ADRA1A: variants seen among roughly 807,000 people sequenced by gnomAD.
ADRA1A encodes the protein adrenoceptor alpha 1A.
In ADRA1A, 31 loss-of-function variants were observed where a neutral mutation model predicts 29.6. The ratio of observed to expected loss-of-function variants is 1.05; its 90% CI spans 0.79 to 1.41. ADRA1A has a LOEUF of 1.41. Ranked by LOEUF, ADRA1A falls within the 40% of genes most tolerant of loss-of-function variation. The probability of loss-of-function intolerance (pLI) is 0.00; values close to 1 mark genes in which losing one functional copy is unlikely to be tolerated. For synonymous variants in ADRA1A, 311 were observed against 254.3 expected, an observed-to-expected ratio of 1.22 and a Z score of -2.12; for missense variants, 619 against 601.1, an observed-to-expected ratio of 1.03 and a Z score of -0.31.
At chr8:26,778,189 C>T (rs545968576) in intron 2 of ADRA1A, among the ~76,000 whole-genome samples, 1 of 152,264 alleles carries the variant, frequency 6.6e-6, no homozygotes, top group East Asian at 1.9e-4. Context: ...AGCAGGTCCA[C>T]CCAAATGCAT....
rs538651893 is a variant in ADRA1A at position 26,832,156 on chromosome 8, A to G, written c.883+31931T>C. On this transcript the variant is annotated intron_variant, in intron 2 of 2. Transcript: ENST00000380573. ...GTTGGGAACGAAGTCTTTGGAGTGG[A>G]TTAGCCCTTTGATCTTCAGGTGGGA... 2.6e-5 allele frequency among the ~76,000 whole-genome samples: 4 copies of G among 152,346 alleles called. No homozygotes were observed. In the South Asian group the frequency reaches 8.3e-4, roughly 32 times the overall value.
chr8:26,862,511 A>G (rs1813551963), intron 2 of ADRA1A, among the ~76,000 whole-genome samples: 1 of 152,252 alleles, frequency 6.6e-6, no homozygotes, highest in African/African-American at 2.4e-5. Flanking sequence ...CAAAGTGCCT[A>G]GAACAGATGG....
At chr8:26,750,695 G>A (rs1804884803) in intron 2 of ADRA1A, among the ~76,000 whole-genome samples, 1 of 152,212 alleles carries the variant, frequency 6.6e-6, no homozygotes, top group Admixed American at 6.5e-5. Flanking sequence ...AGCAAGTTGG[G>A]TATAGGAAAC....
Position 26,780,264 on chromosome 8 carries a change from A to G in ADRA1A, c.884-9598T>C, listed in dbSNP as rs78860884. Among the ~76,000 whole-genome samples the G allele has an allele frequency of 1.7e-3, 252 of 152,216 alleles. 5 individuals are homozygous for G. The East Asian group carries it at 0.044, about 27-fold the overall frequency. ...TGGTCAGGAACATGCAAAGGTGTTT[A>G]CCTTCTATGAGTGTCTCCAACAAAT... is the stretch of plus-strand genomic sequence containing the variant. On this transcript the variant is annotated intron_variant, in intron 2 of 2. Coordinates refer to ENST00000380573, the MANE Select transcript of ADRA1A (RefSeq NM_000680.4).
intron 2 of ADRA1A, among the ~76,000 whole-genome samples, chr8:26,785,457 G>T (rs1045799650): frequency 6.6e-6 from 1 of 152,098 alleles, no homozygotes; most frequent in Non-Finnish European, 1.5e-5. Flanking sequence ...ACTTGCTCAG[G>T]GTTACACAGC....
At chr8:26,754,220 CAT>C (rs2130161191), downstream of ADRA1A, among the ~76,000 whole-genome samples, 1 of 152,238 alleles carries the variant, frequency 6.6e-6, no homozygotes, top group Non-Finnish European at 1.5e-5. Flanking sequence ...GCCTGGGTGT[CAT>C]ATATATTCAT....
chr8:26,853,939 T>C (rs985293738), intron 2 of ADRA1A: 4 of 152,232 alleles, frequency 2.6e-5, no homozygotes, highest in Non-Finnish European at 5.9e-5. Context: ...ATAAGGATTA[T>C]AATATTTTAA....
At chr8:26,750,318 C>A (rs1804866141) in intron 2 of ADRA1A, among the ~76,000 whole-genome samples, 1 of 152,162 alleles carries the variant, frequency 6.6e-6, no homozygotes, top group Admixed American at 6.5e-5. Context: ...TCCCCTGCCT[C>A]AGTCTCCCAA....
At position 26,848,429 on chromosome 8, in the gene ADRA1A, G is replaced by A. The variant is rs36073504; in HGVS notation, c.883+15658C>T. On this transcript the variant is annotated intron_variant, in intron 2 of 2. Transcript: ENST00000380573. This position sits in a 1 kb window ranked among gnomAD's most constrained non-coding sequence, Gnocchi z 4.3. ...TGAGATTCATGCCCTTATACAAAGA[G>A]GAAGGTACCAGAGAGCTCTCTCTCT... Among the ~76,000 whole-genome samples the A allele has an allele frequency of 0.021, 3,224 of 152,246 alleles. 69 individuals carry two copies. The highest frequency in any genetic ancestry group is 0.032 in the Non-Finnish European group (2,149 of 68,018).
intron 2 of ADRA1A, chr8:26,836,231 C>A: frequency 4.3e-6 from 1 of 233,826 alleles, no homozygotes; most frequent in South Asian, 8.4e-5. Context: ...TGTCTTTTGC[C>A]AAGGTGCTGA....
In ADRA1A at chr8:26,768,900, T is replaced by C; in HGVS notation, c.*1249A>G. ...GCTCTTGCAGAAAAGTAGGAATAGA[T>C]GAAGTTGAGTTGACTACTGGATCTT... is the stretch of plus-strand genomic sequence containing the variant. On this transcript the variant is annotated 3_prime_UTR_variant, in exon 3 of 3. Transcript: ENST00000380573. 1.0e-6 allele frequency: 1 copy of C among 985,432 alleles called. No homozygotes were observed. The highest frequency in any genetic ancestry group is 1.2e-6 in the Non-Finnish European group (1 of 829,934). 61.0% of individuals were successfully genotyped at this position (985,432 alleles called of 1,614,324 possible).
intron 2 of ADRA1A, among the ~76,000 whole-genome samples, chr8:26,836,820 C>T (rs890910007): frequency 2.0e-5 from 3 of 152,200 alleles, no homozygotes; most frequent in Non-Finnish European, 4.4e-5. Context: ...CTTCTCTGTG[C>T]TCTTCAGGAG....
At chr8:26,758,665 G>A (rs545672645) in intron 2 of ADRA1A, among the ~76,000 whole-genome samples, 5 of 152,210 alleles carry the variant, frequency 3.3e-5, no homozygotes, top group African/African-American at 1.2e-4. Context: ...GTCCATCATC[G>A]GTCTTCTCTC....
chr8:26,752,792 AAGATC>A (rs1706594627), downstream of ADRA1A, among the ~76,000 whole-genome samples: 1 of 152,230 alleles, frequency 6.6e-6, no homozygotes, highest in Admixed American at 6.5e-5. Flanking sequence ...ACCCCCTAGC[AAGATC>A]ACTGAGAAAA....
intron 2 of ADRA1A, among the ~76,000 whole-genome samples, chr8:26,759,265 T>C (rs1164803510): frequency 1.3e-5 from 2 of 152,220 alleles, no homozygotes; most frequent in Non-Finnish European, 2.9e-5. Context: ...GGGTTGCATA[T>C]GGTATTCAGA....
intron 2 of ADRA1A, among the ~76,000 whole-genome samples, chr8:26,807,763 G>A (rs565010155): frequency 2.6e-5 from 4 of 152,118 alleles, no homozygotes; most frequent in Non-Finnish European, 2.9e-5. Context: ...AGAGGGCAGC[G>A]TGGGTGGAAA....
chr8:26,854,966 C>T (rs2130762779), intron 2 of ADRA1A, among the ~76,000 whole-genome samples: 1 of 152,288 alleles, frequency 6.6e-6, no homozygotes, highest in South Asian at 2.1e-4. Flanking sequence ...TAGAAGGTAC[C>T]ATCCATAAAG....
intron 2 of ADRA1A, among the ~76,000 whole-genome samples, chr8:26,798,705 C>T (rs1808357528): frequency 6.6e-6 from 1 of 152,074 alleles, no homozygotes; most frequent in Non-Finnish European, 1.5e-5. Flanking sequence ...CTAAAGTTTA[C>T]AAAAAGAGGA....
intron 2 of ADRA1A, among the ~76,000 whole-genome samples, chr8:26,829,682 G>A (rs1360278794): frequency 6.6e-6 from 1 of 152,130 alleles, no homozygotes; most frequent in South Asian, 2.1e-4. Context: ...TTCCACATCT[G>A]GAAACAAGGA....
Sources: allele counts gnomAD v4.1 joint callset (sites outside exome capture counted in the v4.1 genomes callset), GRCh38; gene constraint gnomAD v4.1.1; non-coding constraint Gnocchi (gnomAD v3.1); transcripts MANE v1.5; gene names NCBI Gene and HGNC (gene_info 2026-07-23, HGNC 2026-07-21).